The following TGS1 variants were observed in gnomAD, a reference collection of about 807,000 sequenced individuals.
TGS1 encodes the protein trimethylguanosine synthase.
In TGS1, 69 loss-of-function variants were observed where a neutral mutation model predicts 92.2. That is an observed-to-expected ratio of 0.75 (90% confidence interval 0.62 to 0.91). The LOEUF (loss-of-function observed/expected upper bound fraction) is 0.91. TGS1 is among the 40% of genes least tolerant of loss of function. The pLI is 0.00. For missense variants in TGS1, 1,062 were observed against 1,001.2 expected, an observed-to-expected ratio of 1.06 and a Z score of -0.82; for synonymous variants, 345 against 338.1, an observed-to-expected ratio of 1.02 and a Z score of -0.22.
At position 55,775,504 on chromosome 8, in the gene TGS1, G is replaced by A. The variant is rs575136346; in HGVS notation, c.101+1785G>A. 1.3e-4 allele frequency among the ~76,000 whole-genome samples: 20 copies of A among 152,070 alleles called. No individual in the cohort carries two copies. In the South Asian group the frequency reaches 4.1e-3, roughly 32 times the overall value. Reference sequence around the variant, plus strand: ...ACTTGGATTAGGATAAATGGCAGCAGAAATGGAGAAAGAAAGAAAGATGGG... The same window carrying A: ...ACTTGGATTAGGATAAATGGCAGCAAAAATGGAGAAAGAAAGAAAGATGGG... On this transcript the variant is annotated intron_variant, in intron 1 of 12. Coordinates refer to ENST00000260129, the MANE Select transcript of TGS1 (RefSeq NM_024831.8).
At chr8:55,787,423 G>A (rs145709509) in intron 4 of TGS1, among the ~76,000 whole-genome samples, 127 of 152,238 alleles carry the variant, frequency 8.3e-4, no homozygotes, top group African/African-American at 2.6e-3. Flanking sequence ...TTGACATTAG[G>A]CAAATGTCTT....
Position 55,825,007 on chromosome 8 carries a change from A to T in TGS1, c.*304A>T. 1 of 220,754 alleles carries T rather than the reference A, an allele frequency of 4.5e-6. No homozygotes were observed. The highest frequency in any genetic ancestry group is 9.0e-6 in the Non-Finnish European group (1 of 111,330). The allele number at this position is 220,754 out of a possible 1,614,324, so 13.7% of individuals were successfully genotyped here. ...CATGATCACAGCTCACTGCAGGTTC[A>T]GCCTTCTGAGTTCAAGCAATCCTTC... On this transcript the variant is annotated 3_prime_UTR_variant, in exon 13 of 13. Coordinates refer to ENST00000260129, the MANE Select transcript of TGS1 (RefSeq NM_024831.8).
At chr8:55,803,131 G>T (rs1563462688) in intron 9 of TGS1, among the ~76,000 whole-genome samples, 1 of 129,900 alleles carries the variant, frequency 7.7e-6, no homozygotes, top group East Asian at 2.3e-4. Flanking sequence ...ATTTGGGGGG[G>T]TGTGTGTGTG....
rs115420834 is a variant in TGS1 at position 55,779,287 on chromosome 8, A to G, written c.102-3461A>G. On this transcript the variant is annotated intron_variant, in intron 1 of 12. Transcript: ENST00000260129. The stretch of plus-strand genomic sequence containing the variant: ...AGATACTTGAAAGTTTTAAGTAAGA[A>G]ACAGTTTTCATAAAAATATAACAGC... Among the ~76,000 whole-genome samples the G allele has an allele frequency of 1.7e-3, 261 of 152,346 alleles. 1 individual carries two copies. Among genetic ancestry groups the G allele is most frequent in the Middle Eastern group, 0.01 (3 of 294 alleles).
intron 5 of TGS1, among the ~76,000 whole-genome samples, chr8:55,792,301 A>G (rs931314503): frequency 2.6e-5 from 4 of 152,102 alleles, no homozygotes; most frequent in Non-Finnish European, 5.9e-5. Context: ...TTTGGATTGT[A>G]TTGATACTTA....
At position 55,814,317 on chromosome 8, in the gene TGS1, G is replaced by T. The variant is rs79585746; in HGVS notation, c.2439+1199G>T. Among the ~76,000 whole-genome samples the T allele has an allele frequency of 4.4e-3, 666 of 152,062 alleles. 3 individuals carry two copies. The highest frequency in any genetic ancestry group is 0.015 in the African/African-American group (616 of 41,490). The stretch of plus-strand genomic sequence containing the variant: ...AAGATTCTCTGTTTTCTAGGATGAG[G>T]CCCGAAAGTTAATTTTTAAACTGCC... On this transcript the variant is annotated intron_variant, in intron 12 of 12. Transcript: ENST00000260129.
At chr8:55,816,362 T>G (rs1803477564) in intron 12 of TGS1, among the ~76,000 whole-genome samples, 1 of 152,188 alleles carries the variant, frequency 6.6e-6, no homozygotes, top group Admixed American at 6.5e-5. Flanking sequence ...ACCACCTTTG[T>G]GTGAAATCCT....
rs1157653012 is a variant in TGS1 at position 55,824,578 on chromosome 8, T to A, written c.2440-3T>A. The A allele has an allele frequency of 6.8e-6, 11 of 1,614,164 alleles. No homozygotes were observed. The East Asian group carries it at 2.5e-4, about 36-fold the overall frequency. ...TGTGACTTTCTTCTGTTCATCTTTT[T>A]AGGTGGCATCCTTAGCTGGGCCTGG... On this transcript the variant is annotated splice_polypyrimidine_tract_variant and splice_region_variant and intron_variant, in intron 12 of 12. Coordinates refer to ENST00000260129, the MANE Select transcript of TGS1 (RefSeq NM_024831.8).
chr8:55,787,152 A>G (rs1238333156), intron 4 of TGS1, 92 bp downstream of exon 4: 7 of 809,634 alleles, frequency 8.6e-6, no homozygotes, highest in African/African-American at 3.5e-5. Context: ...TGTAGAGTTA[A>G]ATAATACCAA....
Position 55,786,421 on chromosome 8 carries a change from A to C in TGS1, c.523A>C (p.Lys175Gln), listed in dbSNP as rs771279144. 6.2e-7 allele frequency: 1 copy of C among 1,613,440 alleles called. No individual in the cohort carries two copies. The highest frequency in any genetic ancestry group is 1.1e-5 in the South Asian group (1 of 90,780). The change falls in exon 4 of 13, where the codon AAA becomes CAA. Residue 175 changes from lysine (K) to glutamine (Q), a missense_variant. Lys to Gln is a moderately conservative substitution (Grantham distance 53). Coordinates refer to ENST00000260129, the MANE Select transcript of TGS1 (RefSeq NM_024831.8). ...NTRTYELQSKKDTETENPPVE... is the reference protein window; with the variant it reads ...NTRTYELQSKQDTETENPPVE... ...CAGAACATATGAACTTCAAAGCAAAAAAGATACTGAGACAGAAAATCCTCC... is the reference window on the plus strand; with the variant it reads ...CAGAACATATGAACTTCAAAGCAAACAAGATACTGAGACAGAAAATCCTCC...
At chr8:55,790,967 TC>T (rs1020492729) in intron 5 of TGS1, among the ~76,000 whole-genome samples, 2 of 5,640 alleles carry the variant, frequency 3.5e-4, no homozygotes, top group Non-Finnish European at 6.9e-4. Flanking sequence ...ATTCATATCT[TC>T]TCTCTCTCTC....
chr8:55,795,864 AGGGAATT>A, intron 6 of TGS1, 107 bp from the exon 7 acceptor site: 1 of 775,994 alleles, frequency 1.3e-6, no homozygotes, highest in Non-Finnish European at 2.1e-6. Context: ...AATTTTAAAA[AGGGAATT>A]AAAATGGTGT....
chr8:55,805,399 G>T (rs551082998), intron 10 of TGS1, among the ~76,000 whole-genome samples: 54 of 152,172 alleles, frequency 3.5e-4, no homozygotes, highest in Non-Finnish European at 6.3e-4. Context: ...GGAATGTCAT[G>T]AATGCATGAA....
At chr8:55,815,406 G>C (rs1803448986) in intron 12 of TGS1, among the ~76,000 whole-genome samples, 1 of 152,056 alleles carries the variant, frequency 6.6e-6, no homozygotes, top group African/African-American at 2.4e-5. Context: ...CCGTATGTAG[G>C]ACCTTTTTAA....
intron 12 of TGS1, among the ~76,000 whole-genome samples, chr8:55,813,756 AG>A (rs1487333852): frequency 6.6e-6 from 1 of 152,092 alleles, no homozygotes; most frequent in African/African-American, 2.4e-5. Flanking sequence ...CTATTATAAG[AG>A]AATGTTAGTC....
Position 55,786,628 on chromosome 8 carries a change from CT to C in TGS1, c.733del (p.Tyr245IlefsTer44). On this transcript the variant is annotated frameshift_variant, in exon 4 of 13. Coordinates refer to ENST00000260129, the MANE Select transcript of TGS1 (RefSeq NM_024831.8). LOFTEE classifies it high-confidence loss of function. ...KEEWEQHYSQ[L>X]YWYYLEQFQY... Reference sequence around the variant, plus strand: ...AGAATGGGAGCAACATTATAGTCAACTTTATTGGTATTATTTGGAACAATTT... The same window carrying C: ...AGAATGGGAGCAACATTATAGTCAACTTATTGGTATTATTTGGAACAATTT... 6.2e-7 allele frequency: 1 copy of C among 1,614,166 alleles called. No homozygotes were observed. Among genetic ancestry groups the C allele is most frequent in the Non-Finnish European group, 8.5e-7 (1 of 1,180,034 alleles).
At chr8:55,820,172 C>T (rs919615399) in intron 12 of TGS1, among the ~76,000 whole-genome samples, 2 of 152,144 alleles carry the variant, frequency 1.3e-5, no homozygotes, top group African/African-American at 2.4e-5. Context: ...ATCTATTCTT[C>T]CAGTAGGATG....
At chr8:55,781,801 A>G (rs1281781626) in intron 1 of TGS1, among the ~76,000 whole-genome samples, 1 of 152,250 alleles carries the variant, frequency 6.6e-6, no homozygotes, top group Non-Finnish European at 1.5e-5. Flanking sequence ...TTGTAGCTCC[A>G]TTAGAAAAGT....
chr8:55,785,072 G>T (rs559877808), intron 2 of TGS1, among the ~76,000 whole-genome samples: 15,933 of 135,502 alleles, frequency 0.12, 1,024 homozygotes, highest in African/African-American at 0.17. Flanking sequence ...TTTGTTTTTT[G>T]TTTTTTTTTT....
Sources: allele counts gnomAD v4.1 joint callset (sites outside exome capture counted in the v4.1 genomes callset), GRCh38; gene constraint gnomAD v4.1.1; transcripts MANE v1.5; gene names NCBI Gene and HGNC (gene_info 2026-07-23, HGNC 2026-07-21).